The following RIMS2 variants were observed in gnomAD, a reference collection of about 807,000 sequenced individuals.
RIMS2 encodes the protein regulating synaptic membrane exocytosis protein 2.
RIMS2 carries 59 observed loss-of-function variants against 174.4 expected under a neutral mutation model. The observed-to-expected ratio is 0.34, with a 90% CI of 0.27 to 0.42. The LOEUF (loss-of-function observed/expected upper bound fraction) is 0.42. Ranked by LOEUF, RIMS2 falls within the 10% of genes least tolerant of loss-of-function variation. The pLI is 1.00. For synonymous variants in RIMS2, 606 were observed against 572.5 expected, an observed-to-expected ratio of 1.06 and a Z score of -0.84; for missense variants, 1,620 against 1,666.3, an observed-to-expected ratio of 0.97 and a Z score of 0.48.
At chr8:103,612,636 T>C (rs1264348228) in intron 1 of RIMS2, among the ~76,000 whole-genome samples, 1 of 152,182 alleles carries the variant, frequency 6.6e-6, no homozygotes. Context: ...TGGAGTGCAA[T>C]GGTGCCATCT....
chr8:103,580,347 T>C (rs1563865060), intron 1 of RIMS2, among the ~76,000 whole-genome samples: 1 of 151,714 alleles, frequency 6.6e-6, no homozygotes, highest in Non-Finnish European at 1.5e-5. Context: ...AAAAAGATAT[T>C]TCATTGCAAT....
intron 1 of RIMS2, among the ~76,000 whole-genome samples, chr8:103,599,430 A>G (rs1051186295): frequency 2.1e-5 from 3 of 140,476 alleles, no homozygotes; most frequent in African/African-American, 7.6e-5. Flanking sequence ...ATAAATATAT[A>G]TGTGTATATA....
chr8:103,631,025 T>A (rs2135196829), intron 1 of RIMS2, among the ~76,000 whole-genome samples: 1 of 152,358 alleles, frequency 6.6e-6, no homozygotes, highest in Non-Finnish European at 1.5e-5. Context: ...TATTAGATCT[T>A]TGTCAGATGC....
intron 3 of RIMS2, among the ~76,000 whole-genome samples, chr8:103,853,021 A>G (rs2099007666): frequency 6.6e-6 from 1 of 152,102 alleles, no homozygotes; most frequent in Admixed American, 6.6e-5. Flanking sequence ...CATTCTTACC[A>G]ACAGTGTATA....
At chr8:103,554,849 C>G (rs1037774316) in intron 1 of RIMS2, among the ~76,000 whole-genome samples, 2 of 152,092 alleles carry the variant, frequency 1.3e-5, no homozygotes, top group Non-Finnish European at 2.9e-5. Flanking sequence ...AAATAGTATG[C>G]AGCCATAAAA....
intron 1 of RIMS2, among the ~76,000 whole-genome samples, chr8:103,660,632 G>A (rs1178063692): frequency 2.0e-5 from 3 of 152,108 alleles, no homozygotes; most frequent in Non-Finnish European, 4.4e-5. Flanking sequence ...AATCTGATAC[G>A]GAGTTGTGAA....
intron 19 of RIMS2, among the ~76,000 whole-genome samples, chr8:104,192,295 A>G (rs1288399924): frequency 2.0e-5 from 3 of 152,118 alleles, no homozygotes; most frequent in Non-Finnish European, 4.4e-5. Context: ...GTAGAGTGCT[A>G]GTCTGAATTA....
At chr8:104,092,602 AT>A (rs538871000) in intron 19 of RIMS2, among the ~76,000 whole-genome samples, 68 of 150,916 alleles carry the variant, frequency 4.5e-4, no homozygotes, top group African/African-American at 1.1e-3. Context: ...ATTATTATCC[AT>A]TTTTTTTTAA....
At chr8:103,824,147 A>G (rs911973875) in intron 3 of RIMS2, among the ~76,000 whole-genome samples, 1 of 152,070 alleles carries the variant, frequency 6.6e-6, no homozygotes, top group Admixed American at 6.6e-5. Context: ...TTAATCTGAC[A>G]CTGATCTACA....
intron 1 of RIMS2, among the ~76,000 whole-genome samples, chr8:103,663,372 T>C (rs1335709427): frequency 6.6e-6 from 1 of 152,148 alleles, no homozygotes; most frequent in African/African-American, 2.4e-5. Context: ...GACATGATTA[T>C]ATATTTAGAA....
chr8:103,990,608 G>A (rs2094617825), intron 17 of RIMS2, among the ~76,000 whole-genome samples: 1 of 152,000 alleles, frequency 6.6e-6, no homozygotes, highest in South Asian at 2.1e-4. Context: ...AACTATGTTG[G>A]CATGATTAGG....
chr8:103,740,067 C>T (rs188943732), intron 2 of RIMS2, among the ~76,000 whole-genome samples: 164 of 152,104 alleles, frequency 1.1e-3, no homozygotes, highest in Non-Finnish European at 2.0e-3. Flanking sequence ...TTAGAGTGGA[C>T]GGGAAATGAT....
At chr8:103,858,668 T>C (rs143237988) in intron 3 of RIMS2, among the ~76,000 whole-genome samples, 1 of 150,006 alleles carries the variant, frequency 6.7e-6, no homozygotes, top group Non-Finnish European at 1.5e-5. Flanking sequence ...TAACCATATA[T>C]ATATATACGT....
intron 9 of RIMS2, among the ~76,000 whole-genome samples, chr8:103,920,523 T>G (rs557313340): frequency 6.6e-6 from 1 of 152,218 alleles, no homozygotes; most frequent in African/African-American, 2.4e-5. Flanking sequence ...TTCCCCTCAT[T>G]TCCAATTAGG....
intron 19 of RIMS2, among the ~76,000 whole-genome samples, chr8:104,161,878 G>C (rs1251595666): frequency 6.6e-6 from 1 of 152,146 alleles, no homozygotes; most frequent in Non-Finnish European, 1.5e-5. Context: ...CATTTTCCTG[G>C]ACATATGACC....
intron 15 of RIMS2, among the ~76,000 whole-genome samples, chr8:103,967,556 A>C (rs1275976043): frequency 6.7e-6 from 1 of 149,070 alleles, no homozygotes; most frequent in Non-Finnish European, 1.5e-5. Flanking sequence ...GCAGTGGTGC[A>C]ATCTTGGCTC....
At chr8:103,739,057 C>T (rs181972827) in intron 2 of RIMS2, among the ~76,000 whole-genome samples, 1,927 of 152,232 alleles carry the variant, frequency 0.013, 46 homozygotes, top group African/African-American at 0.045. Flanking sequence ...ATAAATCATG[C>T]GGCTATAAAG....
intron 1 of RIMS2, among the ~76,000 whole-genome samples, chr8:103,541,590 G>C (rs531863203): frequency 2.6e-4 from 39 of 152,302 alleles, no homozygotes; most frequent in Non-Finnish European, 5.1e-4. Context: ...GTGCTAACTA[G>C]TAACATGAAC....
intron 19 of RIMS2, among the ~76,000 whole-genome samples, chr8:104,145,802 C>T (rs888156370): frequency 6.6e-6 from 1 of 151,696 alleles, no homozygotes; most frequent in African/African-American, 2.4e-5. Flanking sequence ...GGAGAGATTG[C>T]GGTGAGCTAG....
Sources: gnomAD v4.1 joint callset for allele counts (sites outside exome capture counted in the v4.1 genomes callset) on GRCh38, gnomAD v4.1.1 for gene constraint, MANE v1.5 for transcripts, NCBI Gene and HGNC (gene_info 2026-07-23, HGNC 2026-07-21) for gene names.